The following RHOU variants were observed in gnomAD, a reference collection of about 807,000 sequenced individuals.
The protein encoded by RHOU is rho-related GTP-binding protein RhoU.
Under a neutral mutation model 12.6 loss-of-function variants are expected in RHOU, and 8 were observed. That is an observed-to-expected ratio of 0.64 (90% CI 0.37 to 1.15). RHOU has a LOEUF of 1.15. RHOU is among the 50% of genes most tolerant of loss of function. RHOU has a pLI of 0.01. For synonymous variants in RHOU, 161 were observed against 147.4 expected, an observed-to-expected ratio of 1.09 and a Z score of -0.67; for missense variants, 258 against 347.0, an observed-to-expected ratio of 0.74 and a Z score of 2.04.
At chr1:228,674,346 CTTT>C in the RHOU span, among the ~76,000 whole-genome samples, 2 of 135,954 alleles carry the variant, frequency 1.5e-5, no homozygotes, top group Non-Finnish European at 3.2e-5. Flanking sequence ...TGTTTAGTAC[CTTT>C]TTTTTTTTTT....
the RHOU span, among the ~76,000 whole-genome samples, chr1:228,709,987 A>T: frequency 1.8e-4 from 28 of 152,158 alleles, no homozygotes; most frequent in Non-Finnish European, 2.5e-4. Context: ...TATCACCACC[A>T]ATTCCACAGA....
chr1:228,695,500 C>A, the RHOU span, among the ~76,000 whole-genome samples: 2 of 152,202 alleles, frequency 1.3e-5, no homozygotes, highest in African/African-American at 4.8e-5. Flanking sequence ...GACTGCCCCC[C>A]ACTTTCAATG....
In RHOU at chr1:228,744,844, A is replaced by G. The variant is rs1380509013; in HGVS notation, c.*1104A>G. The G allele has an allele frequency of 6.6e-6, 1 of 152,220 alleles. No individual in the cohort carries two copies. The highest frequency in any genetic ancestry group is 1.5e-5 in the Non-Finnish European group (1 of 68,042). The allele number at this position is 152,220 out of a possible 1,614,324, so 9.4% of individuals were successfully genotyped here. Reference sequence around the variant, plus strand: ...ATTAATGGGGAAAAGCGTGGCCACAAAAACAGATGCTAGGAAGCTTGGCTT... The same window carrying G: ...ATTAATGGGGAAAAGCGTGGCCACAGAAACAGATGCTAGGAAGCTTGGCTT... On this transcript the variant is annotated 3_prime_UTR_variant, in exon 3 of 3. Transcript: ENST00000366691.
In RHOU at chr1:228,737,606, A is replaced by G. The variant is rs1335763909; in HGVS notation, c.263-67A>G. 2.8e-6 allele frequency: 4 copies of G among 1,439,750 alleles called. No homozygotes were observed. The East Asian group carries it at 9.1e-5, about 33-fold the overall frequency. 89.2% of individuals were successfully genotyped at this position (1,439,750 alleles called of 1,614,324 possible). A position where few individuals can be genotyped will look rare whatever the true frequency, so the allele number is the denominator to read the frequency against. ...GGAGTGAGAATGATAGTGAAAGCTA[A>G]AACTATTAGTATTCCGAAAGGGGTT... On this transcript the variant is annotated intron_variant, in intron 1 of 2. Coordinates refer to ENST00000366691, the MANE Select transcript of RHOU (RefSeq NM_021205.6). This position sits in a 1 kb window ranked among gnomAD's most constrained non-coding sequence, Gnocchi z 4.1.
At chr1:228,657,918 C>T in the RHOU span, among the ~76,000 whole-genome samples, 3 of 152,118 alleles carry the variant, frequency 2.0e-5, no homozygotes, top group Non-Finnish European at 4.4e-5. Flanking sequence ...TTAAACAACA[C>T]ACTGCTATGG....
At chr1:228,703,633 A>G in the RHOU span, among the ~76,000 whole-genome samples, 2 of 152,146 alleles carry the variant, frequency 1.3e-5, no homozygotes, top group African/African-American at 4.8e-5. Context: ...ACTTTTTCTT[A>G]GCTAAAACTA....
the RHOU span, among the ~76,000 whole-genome samples, chr1:228,704,997 T>G: frequency 6.6e-6 from 1 of 152,122 alleles, no homozygotes; most frequent in Admixed American, 6.5e-5. Flanking sequence ...AGATGGGGTT[T>G]CACCATGTAG....
In RHOU at chr1:228,743,353, C is replaced by T. The variant is rs758770755; in HGVS notation, c.390C>T (p.Val130=). The T allele has an allele frequency of 4.8e-5, 77 of 1,614,084 alleles. No individual in the cohort carries two copies. In the South Asian group the frequency reaches 8.0e-4, roughly 17 times the overall value. The part of the protein sequence containing the change: ...NTDIFLLCFS[V]VSPSSFQNVS... ...ACATCTTCCTGCTCTGCTTCAGTGT[C>T]GTGAGCCCCTCATCCTTCCAGAACG... The change falls in exon 3 of 3, where the codon GTC becomes GTT. Residue 130 remains valine (V), a synonymous_variant. Transcript: ENST00000366691. The surrounding 1 kb of genome is among the most constrained non-coding windows in gnomAD (Gnocchi z 5.1).
chr1:228,649,233 T>C, the RHOU span, among the ~76,000 whole-genome samples: 2 of 152,176 alleles, frequency 1.3e-5, no homozygotes, highest in Non-Finnish European at 2.9e-5. Context: ...TACATTCCTC[T>C]ATAATATGGC....
the RHOU span, among the ~76,000 whole-genome samples, chr1:228,730,378 G>A: frequency 3.3e-5 from 5 of 152,314 alleles, no homozygotes; most frequent in Middle Eastern, 3.4e-3. Flanking sequence ...CCCAGGGGCT[G>A]GGTGAGGGCT....
At chr1:228,659,955 C>CAAAAAAAAAAAAAAAAAAAAAA in the RHOU span, among the ~76,000 whole-genome samples, 2 of 34,606 alleles carry the variant, frequency 5.8e-5, no homozygotes, top group African/African-American at 1.2e-4. Context: ...CTGGTCTCTA[C>CAAAAAAAAAAAAAAAAAAAAAA]AAAAAAAAAA....
the RHOU span, among the ~76,000 whole-genome samples, chr1:228,674,801 G>T: frequency 6.6e-6 from 1 of 151,924 alleles, no homozygotes; most frequent in Non-Finnish European, 1.5e-5. Context: ...CGCGACCTCG[G>T]CTCACTGCAA....
chr1:228,736,426 C>T lies in RHOU; in HGVS notation c.262+422C>T, dbSNP rs1486659401. 2.0e-5 allele frequency among the ~76,000 whole-genome samples: 3 copies of T among 152,142 alleles called. No homozygotes were observed. In the East Asian group the frequency reaches 5.8e-4, roughly 29 times the overall value. ...TCAATCAGAAGGTGACGCGCAGGTG[C>T]CTTTACCTGAGCGTCGCTCCTTTGC... is the stretch of plus-strand genomic sequence containing the variant. On this transcript the variant is annotated intron_variant, in intron 1 of 2. Coordinates refer to ENST00000366691, the MANE Select transcript of RHOU (RefSeq NM_021205.6).
At chr1:228,660,241 C>T in the RHOU span, among the ~76,000 whole-genome samples, 1 of 151,378 alleles carries the variant, frequency 6.6e-6, no homozygotes, top group South Asian at 2.1e-4. Flanking sequence ...GGACAAATTC[C>T]TAGGAATATG....
chr1:228,651,423 CTT>C, the RHOU span: 1 of 154,026 alleles, frequency 6.5e-6, no homozygotes, highest in Admixed American at 6.5e-5. Flanking sequence ...GCAGCTATGA[CTT>C]TTGTTTTTAA....
the RHOU span, among the ~76,000 whole-genome samples, chr1:228,707,132 A>G: frequency 5.0e-5 from 6 of 120,366 alleles, no homozygotes; most frequent in Non-Finnish European, 9.7e-5. Context: ...ATATACATAT[A>G]TATATATATA....
At chr1:228,729,516 T>C in the RHOU span, among the ~76,000 whole-genome samples, 1 of 152,136 alleles carries the variant, frequency 6.6e-6, no homozygotes, top group Admixed American at 6.5e-5. Flanking sequence ...TGTATAGAAA[T>C]GCAGGGTATG....
chr1:228,722,496 C>A, the RHOU span, among the ~76,000 whole-genome samples: 576 of 152,292 alleles, frequency 3.8e-3, 3 homozygotes, highest in Middle Eastern at 0.027. Flanking sequence ...ATCTCCCAGG[C>A]AACTCAAACT....
chr1:228,708,727 A>G, the RHOU span, among the ~76,000 whole-genome samples: 1 of 152,048 alleles, frequency 6.6e-6, no homozygotes, highest in Non-Finnish European at 1.5e-5. Context: ...AAGACCATCG[A>G]GACTAGGAAG....
Sources: gnomAD v4.1 joint callset for allele counts (sites outside exome capture counted in the v4.1 genomes callset) on GRCh38, gnomAD v4.1.1 for gene constraint, Gnocchi (gnomAD v3.1) non-coding constraint, MANE v1.5 for transcripts, NCBI Gene and HGNC (gene_info 2026-07-23, HGNC 2026-07-21) for gene names.